TSGA10: variants seen among roughly 807,000 people sequenced by gnomAD.
The protein encoded by TSGA10 is testis specific 10.
Under a neutral mutation model 96.6 loss-of-function variants are expected in TSGA10, and 43 were observed. That is an observed-to-expected ratio of 0.44 (90% CI 0.35 to 0.57). The LOEUF (loss-of-function observed/expected upper bound fraction) is 0.57, where lower values mean the gene tolerates loss of function less well. Ranked by LOEUF, TSGA10 falls within the 20% of genes least tolerant of loss-of-function variation. TSGA10 has a pLI of 0.01. For missense variants in TSGA10, 703 were observed against 834.4 expected, an observed-to-expected ratio of 0.84 and a Z score of 1.94; for synonymous variants, 229 against 269.9, an observed-to-expected ratio of 0.85 and a Z score of 1.48.
intron 10 of TSGA10, among the ~76,000 whole-genome samples, chr2:99,083,734 T>C (rs1384501824): frequency 1.3e-5 from 2 of 152,196 alleles, no homozygotes; most frequent in African/African-American, 4.8e-5. Flanking sequence ...GCTGTATGAC[T>C]CTTCCTATAA....
Position 99,078,802 on chromosome 2 carries a change from T to A in TSGA10, c.739A>T (p.Arg247Trp). The A allele has an allele frequency of 6.2e-7, 1 of 1,611,566 alleles. No homozygotes were observed. The highest frequency in any genetic ancestry group is 8.5e-7 in the Non-Finnish European group (1 of 1,179,438). The change falls in exon 12 of 21, where the codon AGG becomes TGG. Residue 247 changes from arginine (R) to tryptophan (W), a missense_variant. This residue lies in a region of TSGA10 where 585 missense variants were observed against 656.8 expected (regional missense o/e 0.89). Transcript: ENST00000393483. ...TCTTCTCGCTGTGCAATATTTTGCC[T>A]TGTAAAGTTATCTATGTATGCAATC... is the stretch of plus-strand genomic sequence containing the variant. ...CLDEKIDNFT[R>W]QNIAQREEIS...
chr2:99,084,828 C>A (rs1044328303), intron 10 of TSGA10, among the ~76,000 whole-genome samples: 1 of 151,864 alleles, frequency 6.6e-6, no homozygotes, highest in Non-Finnish European at 1.5e-5. Context: ...TTGTTTTACA[C>A]AATAACTTAT....
chr2:99,084,947 G>A (rs2088061082), intron 10 of TSGA10, among the ~76,000 whole-genome samples: 1 of 151,522 alleles, frequency 6.6e-6, no homozygotes. Flanking sequence ...GCAGAAGCTG[G>A]TATATTAGAA....
rs2088823885 is a variant in TSGA10 at position 99,088,299 on chromosome 2, A to G, written c.612-6902T>C. Among the ~76,000 whole-genome samples, 3 of 152,296 alleles carry G rather than the reference A, an allele frequency of 2.0e-5. No individual in the cohort carries two copies. The South Asian group carries it at 6.2e-4, about 32-fold the overall frequency. On this transcript the variant is annotated intron_variant, in intron 10 of 20. Coordinates refer to ENST00000393483, the MANE Select transcript of TSGA10 (RefSeq NM_025244.4). ...ATGACTTTTACAATATGTGGTTATA[A>G]TTAGTTATTGTTGTTATATTTTATT...
At chr2:99,069,601 C>T (rs1038807410) in intron 14 of TSGA10, among the ~76,000 whole-genome samples, 3 of 149,394 alleles carry the variant, frequency 2.0e-5, no homozygotes, top group African/African-American at 5.0e-5. Context: ...GAGTTTGAGA[C>T]CAGCCTGAAC....
At chr2:99,151,988 G>GA (rs1404605807) in intron 1 of TSGA10, among the ~76,000 whole-genome samples, 1 of 152,128 alleles carries the variant, frequency 6.6e-6, no homozygotes, top group African/African-American at 2.4e-5. Flanking sequence ...TATTGAGAGT[G>GA]AAAAACAATT....
At chr2:99,091,749 G>T (rs2089375601) in intron 10 of TSGA10, among the ~76,000 whole-genome samples, 1 of 151,838 alleles carries the variant, frequency 6.6e-6, no homozygotes, top group Admixed American at 6.6e-5. Flanking sequence ...CAACAGGAAG[G>T]TATCACAATC....
chr2:99,065,127 G>A lies in TSGA10; in HGVS notation c.1219-3C>T, dbSNP rs2085120828. Reference sequence around the variant, plus strand: ...ATCATTTGCCGGTTCTCAGATTCCTGAAAAGCAAACTTTAGCTATTACTTT... The same window carrying A: ...ATCATTTGCCGGTTCTCAGATTCCTAAAAAGCAAACTTTAGCTATTACTTT... On this transcript the variant is annotated splice_region_variant and splice_polypyrimidine_tract_variant and intron_variant, in intron 15 of 20. Transcript: ENST00000393483. 1 of 1,610,196 alleles carries A rather than the reference G, an allele frequency of 6.2e-7. No homozygotes were observed. Among genetic ancestry groups the A allele is most frequent in the Non-Finnish European group, 8.5e-7 (1 of 1,178,930 alleles).
intron 7 of TSGA10, among the ~76,000 whole-genome samples, chr2:99,107,069 T>C (rs1190481147): frequency 6.6e-6 from 1 of 152,186 alleles, no homozygotes; most frequent in Non-Finnish European, 1.5e-5. Context: ...CACATCTTTT[T>C]CCTCAAACCA....
intron 1 of TSGA10, among the ~76,000 whole-genome samples, chr2:99,145,809 G>A (rs886494952): frequency 1.2e-4 from 19 of 152,168 alleles, no homozygotes; most frequent in Admixed American, 2.0e-4. Flanking sequence ...AGTGTGTTGA[G>A]CAGAGGACTG....
At chr2:99,006,648 G>A (rs2104833719) in intron 20 of TSGA10, among the ~76,000 whole-genome samples, 1 of 152,302 alleles carries the variant, frequency 6.6e-6, no homozygotes, top group African/African-American at 2.4e-5. Flanking sequence ...GGAAACAACA[G>A]GTGCTGGAGA....
intron 1 of TSGA10, among the ~76,000 whole-genome samples, chr2:99,149,125 G>A (rs1262701187): frequency 6.8e-6 from 1 of 148,002 alleles, no homozygotes; most frequent in African/African-American, 2.5e-5. Flanking sequence ...AGCCGAGATC[G>A]CACCACTTCA....
intron 20 of TSGA10, among the ~76,000 whole-genome samples, chr2:99,009,571 CAAAAAAAAAA>C (rs765452742): frequency 2.0e-4 from 9 of 45,458 alleles, no homozygotes; most frequent in Middle Eastern, 0.015. Flanking sequence ...GACCCTGTCT[CAAAAAAAAAA>C]AAAAAAAAAA....
chr2:99,002,957 T>A (rs531824243), intron 20 of TSGA10, among the ~76,000 whole-genome samples: 1 of 152,040 alleles, frequency 6.6e-6, no homozygotes, highest in Admixed American at 6.5e-5. Flanking sequence ...CCTCCCAGGT[T>A]CAAGCAATTC....
intron 17 of TSGA10, among the ~76,000 whole-genome samples, chr2:99,022,100 T>A (rs1398809898): frequency 6.6e-6 from 1 of 151,852 alleles, no homozygotes; most frequent in Non-Finnish European, 1.5e-5. Context: ...CCAAGGTAGG[T>A]GGATTGCTTG....
chr2:99,078,274 A>G (rs1221179652), intron 12 of TSGA10, among the ~76,000 whole-genome samples: 2 of 150,268 alleles, frequency 1.3e-5, no homozygotes, highest in Non-Finnish European at 3.0e-5. Flanking sequence ...CCCGTTTGAA[A>G]AAAAAAAAAA....
chr2:99,137,366 A>T (rs9941561), intron 1 of TSGA10, among the ~76,000 whole-genome samples: 1 of 151,532 alleles, frequency 6.6e-6, no homozygotes, highest in African/African-American at 2.4e-5. Flanking sequence ...AGGACACAGA[A>T]ATTCGGACTG....
chr2:99,050,804 A>G (rs1437164977), intron 16 of TSGA10, among the ~76,000 whole-genome samples: 1 of 152,204 alleles, frequency 6.6e-6, no homozygotes, highest in East Asian at 1.9e-4. Flanking sequence ...TATAAATCCA[A>G]CTACAGTCAT....
At chr2:99,149,766 C>G (rs1358170150) in intron 1 of TSGA10, among the ~76,000 whole-genome samples, 1 of 143,044 alleles carries the variant, frequency 7.0e-6, no homozygotes, top group African/African-American at 2.6e-5. Context: ...ACAGACTAGA[C>G]ATCCTTAATC....
Sources: gnomAD v4.1 joint callset for allele counts (sites outside exome capture counted in the v4.1 genomes callset) on GRCh38, gnomAD v4.1.1 for gene constraint, gnomAD v4.1.1 regional missense constraint, MANE v1.5 for transcripts, NCBI Gene and HGNC (gene_info 2026-07-23, HGNC 2026-07-21) for gene names.